Variants in TARS3 observed in about 807,000 individuals in gnomAD.
TARS3 encodes the protein threonine--tRNA ligase 2, cytoplasmic.
A neutral mutation model predicts 103.5 loss-of-function variants in TARS3; 94 were observed. The ratio of observed to expected loss-of-function variants is 0.91; its 90% CI spans 0.77 to 1.08. The LOEUF (loss-of-function observed/expected upper bound fraction) is 1.08, where lower values mean the gene tolerates loss of function less well. Ranked by LOEUF, TARS3 falls within the 50% of genes least tolerant of loss-of-function variation. The pLI is 0.00. For missense variants in TARS3, 952 were observed against 995.2 expected, an observed-to-expected ratio of 0.96 and a Z score of 0.58; for synonymous variants, 416 against 355.4, an observed-to-expected ratio of 1.17 and a Z score of -1.92.
At chr15:101,700,598 A>C (rs779954677) in intron 10 of TARS3, among the ~76,000 whole-genome samples, 2 of 152,190 alleles carry the variant, frequency 1.3e-5, no homozygotes, top group Non-Finnish European at 2.9e-5. Flanking sequence ...GGGGAAACAG[A>C]AATTATCTCC....
At chr15:101,663,664 T>G (rs1897468856) in intron 15 of TARS3, among the ~76,000 whole-genome samples, 1 of 152,234 alleles carries the variant, frequency 6.6e-6, no homozygotes, top group Non-Finnish European at 1.5e-5. Context: ...GCAAATTGAT[T>G]TTTGCATTTT....
chr15:101,702,376 T>C lies in TARS3; in HGVS notation c.1084A>G (p.Thr362Ala), dbSNP rs747192651. ...ATTTCCGGATTGCCCTCCCAATATG[T>C]TGAGGAATTCTAAATATCAAAGAGG... ...KTIKIFKNSSTYWEGNPEMET... is the reference protein window; with the variant it reads ...KTIKIFKNSSAYWEGNPEMET... Residue 362 changes from threonine (T) to alanine (A), a missense_variant, in exon 9 of 19, where the codon ACA becomes GCA. Physicochemically the swap from Thr to Ala is moderately conservative, Grantham distance 58. This residue lies in a region of TARS3 where 540 missense variants were observed against 631.0 expected (regional missense o/e 0.86). Transcript: ENST00000335968. 6.2e-7 allele frequency: 1 copy of C among 1,613,488 alleles called. No homozygotes were observed. The highest frequency in any genetic ancestry group is 1.1e-5 in the South Asian group (1 of 91,024).
chr15:101,712,839 G>C (rs1402582917), intron 4 of TARS3, among the ~76,000 whole-genome samples: 3 of 152,214 alleles, frequency 2.0e-5, no homozygotes, highest in South Asian at 4.1e-4. Flanking sequence ...TTGATAAAAT[G>C]AATCAGGGCA....
chr15:101,669,038 G>A (rs1185608416), intron 15 of TARS3, among the ~76,000 whole-genome samples: 1 of 152,080 alleles, frequency 6.6e-6, no homozygotes, highest in African/African-American at 2.4e-5. Flanking sequence ...CTTTCAGGAG[G>A]TATTCCAGAA....
rs772841483 is a variant in TARS3 at position 101,657,037 on chromosome 15, C to T, written c.2146-1G>A. 38 of 1,600,826 alleles carry T rather than the reference C, an allele frequency of 2.4e-5. No individual in the cohort carries two copies. The highest frequency in any genetic ancestry group is 3.3e-5 in the Non-Finnish European group (38 of 1,168,420). On this transcript the variant is annotated splice_acceptor_variant, in intron 17 of 18. Coordinates refer to ENST00000335968, the MANE Select transcript of TARS3 (RefSeq NM_152334.3). LOFTEE classifies it high-confidence loss of function. The stretch of plus-strand genomic sequence containing the variant: ...CTTCTTCAAAAAATTCACTGGATAC[C>T]TAGAAGAAAATGAAACACCTTTACT...
At chr15:101,689,372 T>C (rs949308838) in intron 10 of TARS3, among the ~76,000 whole-genome samples, 2 of 152,194 alleles carry the variant, frequency 1.3e-5, no homozygotes, top group Non-Finnish European at 2.9e-5. Context: ...TTTAACTGTA[T>C]TCTCCAAATA....
At chr15:101,689,434 A>T (rs566110232) in intron 10 of TARS3, among the ~76,000 whole-genome samples, 1 of 152,210 alleles carries the variant, frequency 6.6e-6, no homozygotes, top group African/African-American at 2.4e-5. Context: ...CCTTATTTGG[A>T]AGTAGGGTCT....
In TARS3 at chr15:101,671,652, A is replaced by T. The variant is rs1897809272; in HGVS notation, c.1866+19T>A. On this transcript the variant is annotated intron_variant, in intron 14 of 18. Coordinates refer to ENST00000335968, the MANE Select transcript of TARS3 (RefSeq NM_152334.3). ...TTTTCTTTTACATTTTGCTGTTTTG[A>T]AGCATGTGGTCGACTCACTTTAGGG... is the stretch of plus-strand genomic sequence containing the variant. 1.9e-6 allele frequency: 3 copies of T among 1,613,614 alleles called. No individual in the cohort carries two copies. The highest frequency in any genetic ancestry group is 3.3e-4 in the Middle Eastern group (2 of 6,062).
Position 101,684,094 on chromosome 15 carries a change from ATG to A in TARS3, c.1629_1630del (p.Ile544PhefsTer8), listed in dbSNP as rs753465149. 30 of 1,613,182 alleles carry A rather than the reference ATG, an allele frequency of 1.9e-5. No homozygotes were observed. The highest frequency in any genetic ancestry group is 1.7e-4 in the Middle Eastern group (1 of 6,056). On this transcript the variant is annotated frameshift_variant, in exon 12 of 19. Transcript: ENST00000335968. LOFTEE classifies it high-confidence loss of function. ...GTTTACCTGCTCCACTGTGCAAAAAATGTGAGCATCGTCCTGCTGGAAGCGCC... is the reference window on the plus strand; with the variant it reads ...GTTTACCTGCTCCACTGTGCAAAAAATGAGCATCGTCCTGCTGGAAGCGCC...
At chr15:101,705,627 C>T in intron 7 of TARS3, 56 bp downstream of exon 7, 1 of 1,496,200 alleles carries the variant, frequency 6.7e-7, no homozygotes, top group Non-Finnish European at 9.2e-7. Context: ...TCGGCCTCTA[C>T]TGCTAACACC....
At position 101,661,827 on chromosome 15, in the gene TARS3, A is replaced by C; in HGVS notation, c.1968-11T>G. The C allele has an allele frequency of 2.0e-6, 3 of 1,495,794 alleles. No individual in the cohort carries two copies. Among genetic ancestry groups the C allele is most frequent in the Non-Finnish European group, 2.7e-6 (3 of 1,101,586 alleles). 92.7% of individuals were successfully genotyped at this position (1,495,794 alleles called of 1,614,324 possible). A position where few individuals can be genotyped will look rare whatever the true frequency, so the allele number is the denominator to read the frequency against. The stretch of plus-strand genomic sequence containing the variant: ...TCATCCCCATCCTTACTAAAAAATG[A>C]AAATTATACATTTAAGTCTTTTCCT... On this transcript the variant is annotated splice_polypyrimidine_tract_variant and intron_variant, in intron 15 of 18. Coordinates refer to ENST00000335968, the MANE Select transcript of TARS3 (RefSeq NM_152334.3).
intron 17 of TARS3, 103 bp downstream of exon 17, chr15:101,657,682 T>A (rs748604106): frequency 4.3e-6 from 3 of 689,714 alleles, no homozygotes; most frequent in Non-Finnish European, 7.1e-6. Flanking sequence ...TAAGCTAATG[T>A]GTCAGTTCTG....
chr15:101,663,562 G>C (rs1201036598), intron 15 of TARS3, among the ~76,000 whole-genome samples: 1 of 152,106 alleles, frequency 6.6e-6, no homozygotes, highest in Non-Finnish European at 1.5e-5. Context: ...TATTTATTAA[G>C]TTTATTCATA....
At chr15:101,665,148 A>T (rs567317576) in intron 15 of TARS3, among the ~76,000 whole-genome samples, 1 of 152,370 alleles carries the variant, frequency 6.6e-6, no homozygotes, top group East Asian at 1.9e-4. Context: ...CCTGCGTCCC[A>T]GAAGGAGCGG....
At chr15:101,715,214 T>A (rs1900086083) in intron 3 of TARS3, among the ~76,000 whole-genome samples, 1 of 150,274 alleles carries the variant, frequency 6.7e-6, no homozygotes, top group African/African-American at 2.4e-5. Context: ...TGGCGGGATC[T>A]CGGCTCACTG....
Position 101,724,084 on chromosome 15 carries a change from C to A in TARS3, c.297+7G>T. 1 of 1,363,158 alleles carries A rather than the reference C, an allele frequency of 7.3e-7. No homozygotes were observed. Among genetic ancestry groups the A allele is most frequent in the South Asian group, 1.7e-5 (1 of 57,948 alleles). The allele number at this position is 1,363,158 out of a possible 1,614,324, so 84.4% of individuals were successfully genotyped here. A position where few individuals can be genotyped will look rare whatever the true frequency, so the allele number is the denominator to read the frequency against. On this transcript the variant is annotated splice_region_variant and intron_variant, in intron 1 of 18. Transcript: ENST00000335968. ...CGTCCTCTCCAGTGTCCCCACCGCC[C>A]GGTTACCTGTGCGCCGGCCTCCTGC...
chr15:101,720,617 GA>G (rs1289574139), intron 3 of TARS3, among the ~76,000 whole-genome samples: 1 of 151,600 alleles, frequency 6.6e-6, no homozygotes, highest in African/African-American at 2.4e-5. Context: ...GAAGCCAGAG[GA>G]AAAAAATTAA....
At chr15:101,691,778 G>A (rs974899511) in intron 10 of TARS3, among the ~76,000 whole-genome samples, 1 of 152,042 alleles carries the variant, frequency 6.6e-6, no homozygotes, top group Non-Finnish European at 1.5e-5. Flanking sequence ...CTCTGGCCTT[G>A]TTGATCCTAG....
chr15:101,659,073 G>A (rs1421930509), intron 16 of TARS3, among the ~76,000 whole-genome samples: 2 of 152,208 alleles, frequency 1.3e-5, no homozygotes, highest in African/African-American at 4.8e-5. Flanking sequence ...TTACAGGCGT[G>A]AGCCACCACA....
Sources: allele counts gnomAD v4.1 joint callset (sites outside exome capture counted in the v4.1 genomes callset), GRCh38; gene constraint gnomAD v4.1.1; regional missense constraint gnomAD v4.1.1; transcripts MANE v1.5; gene names NCBI Gene and HGNC (gene_info 2026-07-23, HGNC 2026-07-21).